The following RGS7 variants were observed in gnomAD, a reference collection of about 807,000 sequenced individuals.
RGS7 encodes the protein regulator of G protein signaling 7, also known as regulator of G-protein signaling 7.
RGS7 carries 27 observed loss-of-function variants against 81.1 expected under a neutral mutation model. The ratio of observed to expected loss-of-function variants is 0.33; its 90% CI spans 0.25 to 0.46. The LOEUF (loss-of-function observed/expected upper bound fraction) is 0.46. Ranked by LOEUF, RGS7 falls within the 20% of genes least tolerant of loss-of-function variation. The pLI, the probability that RGS7 is intolerant of heterozygous loss-of-function variation, is 1.00. For missense variants in RGS7, 396 were observed against 607.4 expected (o/e 0.65, Z 3.66); for synonymous variants, 208 against 207.7 (o/e 1.00, Z -0.01).
At chr1:241,047,679 C>A (rs755454009) in intron 3 of RGS7, among the ~76,000 whole-genome samples, 2 of 151,726 alleles carry the variant, frequency 1.3e-5, no homozygotes, top group Non-Finnish European at 2.9e-5. Context: ...AATATTCATG[C>A]CATTGCAACC....
intron 3 of RGS7, among the ~76,000 whole-genome samples, chr1:241,012,464 G>C (rs2059007611): frequency 6.6e-6 from 1 of 152,110 alleles, no homozygotes; most frequent in Non-Finnish European, 1.5e-5. Context: ...GGATAACCAG[G>C]AAGTGTTCAG....
At chr1:241,153,887 G>C (rs926956466) in intron 2 of RGS7, among the ~76,000 whole-genome samples, 1 of 152,206 alleles carries the variant, frequency 6.6e-6, no homozygotes, top group African/African-American at 2.4e-5. Context: ...AGGAGGATGG[G>C]AAGTATTCCA....
In RGS7 at chr1:241,348,128, T is replaced by A. The variant is rs367878663; in HGVS notation, c.78+7571A>T. Among the ~76,000 whole-genome samples the A allele has an allele frequency of 1.1e-4, 17 of 152,324 alleles. No homozygotes were observed. In the East Asian group the frequency reaches 2.7e-3, roughly 24 times the overall value. ...TACAATTTAAAATCCAGGTCCTCAATAACACTCACCACATTTCAGGTGTTC... is the reference window on the plus strand; with the variant it reads ...TACAATTTAAAATCCAGGTCCTCAAAAACACTCACCACATTTCAGGTGTTC... On this transcript the variant is annotated intron_variant, in intron 2 of 18. Transcript: ENST00000440928.
chr1:241,276,742 C>A (rs1235757009), intron 2 of RGS7, among the ~76,000 whole-genome samples: 1 of 152,176 alleles, frequency 6.6e-6, no homozygotes, highest in Non-Finnish European at 1.5e-5. Flanking sequence ...TACTACCTGG[C>A]ATACAAGTAT....
intron 2 of RGS7, among the ~76,000 whole-genome samples, chr1:241,330,550 G>A (rs1045334923): frequency 2.6e-5 from 4 of 152,124 alleles, no homozygotes; most frequent in Admixed American, 1.3e-4. Context: ...AAAGTGTAAC[G>A]GGGACAATAA....
intron 4 of RGS7, among the ~76,000 whole-genome samples, chr1:240,938,204 A>G (rs935459522): frequency 2.0e-5 from 3 of 152,268 alleles, no homozygotes; most frequent in East Asian, 3.9e-4. Flanking sequence ...ACATCTGTGG[A>G]TTTTTGATCA....
chr1:241,044,604 A>ATT (rs71735235), intron 3 of RGS7, among the ~76,000 whole-genome samples: 2 of 151,216 alleles, frequency 1.3e-5, no homozygotes, highest in African/African-American at 4.9e-5. Context: ...AAATTTATTT[A>ATT]TTTTTTTTGT....
chr1:241,006,087 G>A (rs971559716), intron 3 of RGS7, among the ~76,000 whole-genome samples: 1 of 151,776 alleles, frequency 6.6e-6, no homozygotes, highest in Admixed American at 6.6e-5. Flanking sequence ...GACATATAAC[G>A]TAGTATTCTG....
intron 18 of RGS7, among the ~76,000 whole-genome samples, chr1:240,796,028 G>A (rs535915606): frequency 6.6e-5 from 10 of 152,052 alleles, no homozygotes; most frequent in Non-Finnish European, 1.2e-4. Context: ...CTAGAGCCAC[G>A]TTCCCGCCTC....
chr1:240,809,663 T>C (rs1052120180), intron 14 of RGS7, among the ~76,000 whole-genome samples: 1 of 152,180 alleles, frequency 6.6e-6, no homozygotes, highest in African/African-American at 2.4e-5. Flanking sequence ...GTTGTTTTGG[T>C]GGTTGGATGT....
At chr1:241,240,357 G>GTAA (rs2076204396) in intron 2 of RGS7, among the ~76,000 whole-genome samples, 1 of 152,184 alleles carries the variant, frequency 6.6e-6, no homozygotes, top group Admixed American at 6.5e-5. Flanking sequence ...GACTCAGTTA[G>GTAA]ACTCACGTGG....
rs759233309 is a variant in RGS7 at position 240,814,724 on chromosome 1, G to T, written c.837C>A (p.Val279=). ...CACTTTGAAATACTCACCTGTCAGC[G>T]ACTTTTGACATTTTTAACCGATGTC... ...LDRHRLKMSK[V]ADSLLSYTEQ... is the part of the protein sequence containing the mutation. The change falls in exon 12 of 19, where the codon GTC becomes GTA. Residue 279 remains valine, a synonymous_variant. Transcript: ENST00000440928. The T allele has an allele frequency of 6.3e-7, 1 of 1,592,250 alleles. No homozygotes were observed. The highest frequency in any genetic ancestry group is 8.6e-7 in the Non-Finnish European group (1 of 1,160,704).
chr1:240,853,059 G>C lies in RGS7; in HGVS notation c.609+15528C>G, dbSNP rs368756823. 2.3e-4 allele frequency among the ~76,000 whole-genome samples: 35 copies of C among 152,268 alleles called. 1 individual carries two copies. Among genetic ancestry groups the C allele is most frequent in the East Asian group, 1.4e-3 (7 of 5,176 alleles). ...TAAATCTTTTCAAGTGCATTTTTGA[G>C]TATTTTTAAATAATGAGGTAAAATG... On this transcript the variant is annotated intron_variant, in intron 9 of 18. Coordinates refer to ENST00000440928, the MANE Select transcript of RGS7 (RefSeq NM_001364886.1).
In RGS7 at chr1:241,318,473, CCAGA is replaced by C. The variant is rs142305526; in HGVS notation, c.78+37222_78+37225del. On this transcript the variant is annotated intron_variant, in intron 2 of 18. Transcript: ENST00000440928. The stretch of plus-strand genomic sequence containing the variant: ...TCTTTCTTTTTTCTTTTTTTTTTTC[CCAGA>C]CAGAGTTTCACTCTTGTTGCCCAGG... Among the ~76,000 whole-genome samples the C allele has an allele frequency of 5.7e-3, 866 of 150,794 alleles. 5 individuals carry two copies. The highest frequency in any genetic ancestry group is 0.019 in the African/African-American group (796 of 41,092).
intron 6 of RGS7, among the ~76,000 whole-genome samples, chr1:240,882,823 G>A (rs1413443873): frequency 6.6e-6 from 1 of 152,004 alleles, no homozygotes; most frequent in Non-Finnish European, 1.5e-5. Flanking sequence ...ATTACAGATT[G>A]TATGTTACCC....
intron 10 of RGS7, chr1:240,823,287 A>G (rs959475389): frequency 3.2e-6 from 2 of 619,008 alleles, no homozygotes; most frequent in Non-Finnish European, 6.0e-6. Flanking sequence ...CACTGGCCCA[A>G]CCATAATAAA....
chr1:240,939,566 T>C (rs1677211913), intron 4 of RGS7, among the ~76,000 whole-genome samples: 1 of 152,180 alleles, frequency 6.6e-6, no homozygotes, highest in East Asian at 1.9e-4. Context: ...AGTACCCCTG[T>C]GGACGAGTGA....
At chr1:241,125,801 G>A (rs747047591) in intron 2 of RGS7, among the ~76,000 whole-genome samples, 3 of 152,190 alleles carry the variant, frequency 2.0e-5, no homozygotes, top group Non-Finnish European at 4.4e-5. Context: ...AAGGATCAGG[G>A]CAGGCATACA....
chr1:240,909,115 G>T (rs1384054353), intron 6 of RGS7, among the ~76,000 whole-genome samples: 1 of 152,150 alleles, frequency 6.6e-6, no homozygotes, highest in Non-Finnish European at 1.5e-5. Context: ...CCAAGAGGAT[G>T]TTTTATTACT....
Sources: gnomAD v4.1 joint callset for allele counts (sites outside exome capture counted in the v4.1 genomes callset) on GRCh38, gnomAD v4.1.1 for gene constraint, MANE v1.5 for transcripts, NCBI Gene and HGNC (gene_info 2026-07-23, HGNC 2026-07-21) for gene names.